The following SLCO1B1 variants were observed in gnomAD, a reference collection of about 807,000 sequenced individuals.
SLCO1B1 encodes the protein OATP-2.
Under a neutral mutation model 70.1 loss-of-function variants are expected in SLCO1B1, and 81 were observed. The ratio of observed to expected loss-of-function variants is 1.16; its 90% confidence interval spans 0.97 to 1.39. The LOEUF is 1.39. Among genes scored for constraint, SLCO1B1 ranks in the 40% most tolerant of loss-of-function variants. The pLI, the probability that SLCO1B1 is intolerant of heterozygous loss-of-function variation, is 0.00. For synonymous variants in SLCO1B1, 283 were observed against 271.5 expected, an observed-to-expected ratio of 1.04 and a Z score of -0.42; for missense variants, 895 against 799.6, an observed-to-expected ratio of 1.12 and a Z score of -1.44.
chr12:21,173,891 G>A (rs1024692197), intron 3 of SLCO1B1, among the ~76,000 whole-genome samples: 2 of 150,936 alleles, frequency 1.3e-5, no homozygotes, highest in African/African-American at 2.4e-5. Flanking sequence ...CCGAGTAGCT[G>A]GGACTACAGG....
chr12:21,208,832 T>A (rs529013259), intron 11 of SLCO1B1, among the ~76,000 whole-genome samples: 3 of 152,062 alleles, frequency 2.0e-5, no homozygotes, highest in African/African-American at 7.2e-5. Flanking sequence ...CTAGTAGAGA[T>A]CTTTCACTTC....
intron 4 of SLCO1B1, among the ~76,000 whole-genome samples, chr12:21,176,137 T>C (rs1940817234): frequency 6.6e-6 from 1 of 152,140 alleles, no homozygotes; most frequent in Non-Finnish European, 1.5e-5. Context: ...ATAACTTTTA[T>C]CATCTATGTT....
In SLCO1B1 at chr12:21,179,007, A is replaced by G. The variant is rs1235683445; in HGVS notation, c.714A>G (p.Gly238=). Residue 238 remains glycine (G), a synonymous_variant, in exon 7 of 15, where the codon GGA becomes GGG. Transcript: ENST00000256958. Reference sequence around the variant, plus strand: ...TTTCTAAAATGTACGTGGATATTGGATATGTAGATCTAAGTAAGTACAACC... The same window carrying G: ...TTTCTAAAATGTACGTGGATATTGGGTATGTAGATCTAAGTAAGTACAACC... The part of the protein sequence containing the change: ...SLFSKMYVDI[G]YVDLSTIRIT... 1.8e-5 allele frequency: 29 copies of G among 1,602,328 alleles called. No homozygotes were observed. The highest frequency in any genetic ancestry group is 2.5e-5 in the Non-Finnish European group (29 of 1,169,764).
chr12:21,236,202 T>C (rs1319964439), intron 14 of SLCO1B1, among the ~76,000 whole-genome samples: 1 of 152,158 alleles, frequency 6.6e-6, no homozygotes, highest in Admixed American at 6.5e-5. Context: ...TGTGCCCATG[T>C]TCTCTTTGTC....
chr12:21,163,053 T>C (rs1242090232), intron 2 of SLCO1B1, among the ~76,000 whole-genome samples: 3 of 152,168 alleles, frequency 2.0e-5, no homozygotes, highest in African/African-American at 7.2e-5. Context: ...CTAGGAAAAT[T>C]AGAAGAATGG....
At chr12:21,152,134 C>T (rs1015299038) in intron 2 of SLCO1B1, among the ~76,000 whole-genome samples, 2 of 151,886 alleles carry the variant, frequency 1.3e-5, no homozygotes, top group African/African-American at 2.4e-5. Context: ...TATCCTGAAT[C>T]TCAGATATCC....
rs4149102 is a variant in SLCO1B1, at chr12:21,222,372, GA to G, written c.1747+34del. On this transcript the variant is annotated intron_variant, in intron 13 of 14. Transcript: ENST00000256958. ...TGGTTATACGAGCACTAGGTATGATGAAAAAAAAAAAAAAAAAAAAAAAAAA... is the reference window on the plus strand; with the variant it reads ...TGGTTATACGAGCACTAGGTATGATGAAAAAAAAAAAAAAAAAAAAAAAAA... 206 of 24,910 alleles carry G rather than the reference GA, an allele frequency of 8.3e-3. 1 individual carries two copies. Among genetic ancestry groups the G allele is most frequent in the African/African-American group, 0.026 (83 of 3,230 alleles). 1.5% of individuals were successfully genotyped at this position (24,910 alleles called of 1,614,324 possible).
chr12:21,215,999 C>T (rs1272826084), intron 11 of SLCO1B1, among the ~76,000 whole-genome samples: 1 of 152,098 alleles, frequency 6.6e-6, no homozygotes, highest in African/African-American at 2.4e-5. Context: ...CATGCTCCCT[C>T]TTTGCACACT....
intron 9 of SLCO1B1, 136 bp downstream of exon 9, chr12:21,200,808 C>G: frequency 1.4e-6 from 1 of 695,346 alleles, no homozygotes; most frequent in Non-Finnish European, 2.3e-6. Flanking sequence ...TATTCTTTCT[C>G]AAATGTTATT....
At chr12:21,134,543 C>T (rs1197887135) in intron 1 of SLCO1B1, among the ~76,000 whole-genome samples, 1 of 152,106 alleles carries the variant, frequency 6.6e-6, no homozygotes, top group African/African-American at 2.4e-5. Flanking sequence ...GATGCAACTT[C>T]TTCCTGGTTT....
chr12:21,214,865 G>A (rs1830668242), intron 11 of SLCO1B1, among the ~76,000 whole-genome samples: 1 of 151,988 alleles, frequency 6.6e-6, no homozygotes. Context: ...ACTGGGAAAG[G>A]GAACTCCCTG....
chr12:21,149,212 T>A (rs1940432972), intron 2 of SLCO1B1, among the ~76,000 whole-genome samples: 1 of 152,278 alleles, frequency 6.6e-6, no homozygotes, highest in South Asian at 2.1e-4. Flanking sequence ...GAGTATCTTT[T>A]ATTTATTTCT....
At chr12:21,208,882 G>T (rs187346525) in intron 11 of SLCO1B1, among the ~76,000 whole-genome samples, 1 of 151,662 alleles carries the variant, frequency 6.6e-6, no homozygotes, top group South Asian at 2.1e-4. Flanking sequence ...ATTTATTGTA[G>T]TTATTCTAAA....
intron 12 of SLCO1B1, among the ~76,000 whole-genome samples, chr12:21,221,603 A>G (rs1204770842): frequency 6.6e-6 from 1 of 152,134 alleles, no homozygotes; most frequent in African/African-American, 2.4e-5. Flanking sequence ...GGTAAATGAT[A>G]CGACCAGCAT....
intron 2 of SLCO1B1, among the ~76,000 whole-genome samples, chr12:21,150,118 C>T (rs1302823961): frequency 6.6e-6 from 1 of 152,162 alleles, no homozygotes; most frequent in African/African-American, 2.4e-5. Flanking sequence ...CTCCACAAAG[C>T]CCCTGTAGCC....
chr12:21,171,994 T>C (rs1940760406), intron 2 of SLCO1B1, among the ~76,000 whole-genome samples: 1 of 152,150 alleles, frequency 6.6e-6, no homozygotes, highest in East Asian at 1.9e-4. Context: ...AGTTTCAACA[T>C]ATAAATTTGA....
Position 21,216,318 on chromosome 12 carries a change from G to C in SLCO1B1, c.1498-801G>C, listed in dbSNP as rs61152869. Among the ~76,000 whole-genome samples the C allele has an allele frequency of 1.2e-4, 19 of 152,158 alleles. No homozygotes were observed. The East Asian group carries it at 2.9e-3, about 23-fold the overall frequency. On this transcript the variant is annotated intron_variant, in intron 11 of 14. Coordinates refer to ENST00000256958, the MANE Select transcript of SLCO1B1 (RefSeq NM_006446.5). The stretch of plus-strand genomic sequence containing the variant: ...GAACTGTAAGTTTGGCAGAACTGTA[G>C]ATGTATAGATTTAAATTCTTCTACA...
intron 2 of SLCO1B1, among the ~76,000 whole-genome samples, chr12:21,169,171 C>T (rs1940728918): frequency 6.6e-6 from 1 of 152,044 alleles, no homozygotes; most frequent in Non-Finnish European, 1.5e-5. Flanking sequence ...TTAAGAGTCT[C>T]TGTTTGTGTG....
intron 5 of SLCO1B1, among the ~76,000 whole-genome samples, chr12:21,178,278 A>G (rs147874287): frequency 1.3e-5 from 2 of 152,086 alleles, no homozygotes; most frequent in African/African-American, 4.8e-5. Context: ...CATGTAAGAC[A>G]TGGCTTTGCT....
Sources: allele counts gnomAD v4.1 joint callset (sites outside exome capture counted in the v4.1 genomes callset), GRCh38; gene constraint gnomAD v4.1.1; transcripts MANE v1.5; gene names NCBI Gene and HGNC (gene_info 2026-07-23, HGNC 2026-07-21).